CTBP2: variants seen among roughly 807,000 people sequenced by gnomAD.
CTBP2 encodes C-terminal-binding protein 2.
A neutral mutation model predicts 80.3 loss-of-function variants in CTBP2; 30 were observed. The ratio of observed to expected loss-of-function variants is 0.37; its 90% CI spans 0.28 to 0.51. CTBP2 has a LOEUF of 0.51. Ranked by LOEUF, CTBP2 falls within the 20% of genes least tolerant of loss-of-function variation. CTBP2 has a pLI of 0.93. For missense variants in CTBP2, 1,212 were observed against 1,375.3 expected (o/e 0.88, Z 1.88); for synonymous variants, 594 against 587.4 (o/e 1.01, Z -0.16).
chr10:125,048,630 A>C (rs369577892), intron 2 of CTBP2, among the ~76,000 whole-genome samples: 1 of 152,148 alleles, frequency 6.6e-6, no homozygotes, highest in East Asian at 1.9e-4. Context: ...CAGGGTGTGG[A>C]GTCCCCGACC....
chr10:125,129,745 A>C (rs1210808667), intron 1 of CTBP2, among the ~76,000 whole-genome samples: 3 of 152,216 alleles, frequency 2.0e-5, no homozygotes, highest in Non-Finnish European at 1.5e-5. Flanking sequence ...TGGAAGGAGG[A>C]GCACAGAAAC....
chr10:125,018,555 AC>A (rs1956737181), intron 1 of CTBP2, among the ~76,000 whole-genome samples: 1 of 61,514 alleles, frequency 1.6e-5, no homozygotes, highest in Non-Finnish European at 3.5e-5. Flanking sequence ...AAACCAACCA[AC>A]AAACAAACAA....
chr10:125,117,177 A>AG (rs113180273), intron 1 of CTBP2, among the ~76,000 whole-genome samples: 13,902 of 152,234 alleles, frequency 0.091, 824 homozygotes, highest in African/African-American at 0.16. Context: ...GACTCTCTTC[A>AG]GTTGCAGTGA....
intron 2 of CTBP2, among the ~76,000 whole-genome samples, chr10:125,101,847 C>T (rs377266100): frequency 1.3e-5 from 2 of 152,304 alleles, no homozygotes; most frequent in South Asian, 2.1e-4. Context: ...CAGCAATCAT[C>T]TTTGTGTGTG....
chr10:125,062,717 C>G (rs1590435850), intron 2 of CTBP2, among the ~76,000 whole-genome samples: 2 of 152,188 alleles, frequency 1.3e-5, no homozygotes, highest in Admixed American at 1.3e-4. Context: ...AAAAAATTAG[C>G]CGGGTGCGGT....
chr10:125,068,219 ACGT>A (rs1386220423), intron 2 of CTBP2, among the ~76,000 whole-genome samples: 3 of 152,230 alleles, frequency 2.0e-5, no homozygotes, highest in Non-Finnish European at 4.4e-5. Flanking sequence ...TGCGAAGGAC[ACGT>A]CCATTCTGAC....
intron 2 of CTBP2, among the ~76,000 whole-genome samples, chr10:125,073,612 G>A (rs551383497): frequency 6.6e-5 from 10 of 152,314 alleles, no homozygotes; most frequent in East Asian, 1.9e-4. Flanking sequence ...ATTGGAAACC[G>A]ATTTGTACGT....
intron 2 of CTBP2, among the ~76,000 whole-genome samples, chr10:125,051,660 A>AACC (rs2135206179): frequency 4.7e-5 from 2 of 42,188 alleles, no homozygotes; most frequent in African/African-American, 6.8e-4. Flanking sequence ...CCAACCAACC[A>AACC]AAAAAAAAAA....
intron 2 of CTBP2, among the ~76,000 whole-genome samples, chr10:125,052,303 G>A (rs572521743): frequency 8.4e-4 from 128 of 152,292 alleles, no homozygotes; most frequent in Admixed American, 2.8e-3. Flanking sequence ...AGCTCAACAC[G>A]CACGGCCTGA....
At chr10:125,091,332 G>C (rs1310436030) in intron 2 of CTBP2, among the ~76,000 whole-genome samples, 1 of 152,074 alleles carries the variant, frequency 6.6e-6, no homozygotes, top group Admixed American at 6.5e-5. Flanking sequence ...CCTGGTAAAG[G>C]CAAGGAGAAA....
chr10:125,003,446 C>G lies in CTBP2; in HGVS notation c.1725G>C (p.Leu575=). The change falls in exon 2 of 9, where the codon CTG becomes CTC. Residue 575 remains leucine, a synonymous_variant. Coordinates refer to ENST00000309035, the MANE Select transcript of CTBP2 (RefSeq NM_022802.3). The stretch of plus-strand genomic sequence containing the variant: ...AGTCGCGGCCGTCCAGCAGCGCCAC[C>G]AGGGGGCGGGGGTGCAGGGGGCCGT... 6.3e-7 allele frequency: 1 copy of G among 1,584,092 alleles called. No homozygotes were observed. Among genetic ancestry groups the G allele is most frequent in the Non-Finnish European group, 8.5e-7 (1 of 1,169,806 alleles).
chr10:125,147,318 G>C (rs1858962830), intron 1 of CTBP2, among the ~76,000 whole-genome samples: 1 of 152,172 alleles, frequency 6.6e-6, no homozygotes, highest in Non-Finnish European at 1.5e-5. Flanking sequence ...GCAGCACTGG[G>C]CCCCCACCCT....
chr10:125,128,606 G>C (rs1307995370), intron 1 of CTBP2, among the ~76,000 whole-genome samples: 1 of 152,182 alleles, frequency 6.6e-6, no homozygotes, highest in Non-Finnish European at 1.5e-5. Context: ...TGGGGGTCAA[G>C]GGAGAGGAGG....
At chr10:125,123,674 C>T (rs151283638) in intron 1 of CTBP2, among the ~76,000 whole-genome samples, 3 of 152,320 alleles carry the variant, frequency 2.0e-5, no homozygotes, top group East Asian at 1.9e-4. Context: ...CTGTGTCCTC[C>T]GGCTCCCCAG....
chr10:125,089,633 A>T (rs1339624138), intron 2 of CTBP2, among the ~76,000 whole-genome samples: 2 of 152,212 alleles, frequency 1.3e-5, no homozygotes, highest in Non-Finnish European at 2.9e-5. Context: ...AGAATGTAAG[A>T]TGTGCAGGCG....
intron 3 of CTBP2, among the ~76,000 whole-genome samples, chr10:125,034,041 A>G (rs1958561856): frequency 6.6e-6 from 1 of 152,202 alleles, no homozygotes; most frequent in African/African-American, 2.4e-5. Flanking sequence ...ATAAAAGCAA[A>G]GTGGCCTTAA....
At chr10:125,157,375 G>C (rs931800962) in intron 1 of CTBP2, among the ~76,000 whole-genome samples, 24 of 138,342 alleles carry the variant, frequency 1.7e-4, no homozygotes, top group Admixed American at 2.9e-4. Flanking sequence ...ATTAGAGAGG[G>C]GGTTGTCAGG....
intron 1 of CTBP2, among the ~76,000 whole-genome samples, chr10:125,139,879 G>A (rs1277608320): frequency 6.6e-6 from 1 of 152,108 alleles, no homozygotes; most frequent in African/African-American, 2.4e-5. Context: ...CCTGTGAAAA[G>A]GTCCCCAGAT....
intron 1 of CTBP2, 119 bp downstream of exon 1, chr10:125,160,200 T>TCCTC (rs1181786675): frequency 6.9e-6 from 1 of 143,890 alleles, no homozygotes; most frequent in Non-Finnish European, 1.5e-5. Flanking sequence ...GCCCTCTTCC[T>TCCTC]CCTCCTCCTC....
Sources: allele counts gnomAD v4.1 joint callset (sites outside exome capture counted in the v4.1 genomes callset), GRCh38; gene constraint gnomAD v4.1.1; transcripts MANE v1.5; gene names NCBI Gene and HGNC (gene_info 2026-07-23, HGNC 2026-07-21).